The following CNP variants were observed in gnomAD, a reference collection of about 807,000 sequenced individuals.
CNP encodes 2',3'-cyclic nucleotide 3' phosphodiesterase.
CNP carries 8 observed loss-of-function variants against 37.9 expected under a neutral mutation model. The observed-to-expected ratio is 0.21, with a 90% CI of 0.12 to 0.38. CNP has a LOEUF of 0.38. CNP is among the 10% of genes least tolerant of loss of function. The pLI is 1.00. For missense variants in CNP, 457 were observed against 551.0 expected, an observed-to-expected ratio of 0.83 and a Z score of 1.71; for synonymous variants, 237 against 238.3, an observed-to-expected ratio of 0.99 and a Z score of 0.05.
rs2051066112 is a variant in CNP at position 41,975,706 on chromosome 17, GA to G, written c.*1785del. ...GGCACCAGCCGGGGAAGACTTGAAA[GA>G]AAGGGGCAGGAGCTCAGATGAAGAG... On this transcript the variant is annotated 3_prime_UTR_variant, in exon 4 of 4. Coordinates refer to ENST00000393892, the MANE Select transcript of CNP (RefSeq NM_033133.5). 1 of 152,270 alleles carries G rather than the reference GA, an allele frequency of 6.6e-6. No individual in the cohort carries two copies. The highest frequency in any genetic ancestry group is 2.1e-4 in the South Asian group (1 of 4,830). 9.4% of individuals were successfully genotyped at this position (152,270 alleles called of 1,614,324 possible).
Position 41,973,505 on chromosome 17 carries a change from A to G in CNP, c.847A>G (p.Thr283Ala). Residue 283 changes from threonine to alanine, a missense_variant, in exon 4 of 4, where the codon ACG becomes GCG. Physicochemically the swap from Thr to Ala is moderately conservative, Grantham distance 58. This residue lies in a region of CNP where 291 missense variants were observed against 291.7 expected (regional missense o/e 1.00). Transcript: ENST00000393892. ...AAAGAAATCTTACTCCAAGGCCTTC[A>G]CGCTGACCATCTCTGCCCTCTTTGT... ...VLKKSYSKAF[T>A]LTISALFVTP... 1 of 1,614,154 alleles carries G rather than the reference A, an allele frequency of 6.2e-7. No individual in the cohort carries two copies. The highest frequency in any genetic ancestry group is 1.1e-5 in the South Asian group (1 of 91,080).
intron 3 of CNP, 57 bp from the exon 4 acceptor site, chr17:41,973,418 C>T: frequency 6.6e-7 from 1 of 1,524,712 alleles, no homozygotes; most frequent in South Asian, 1.2e-5. Flanking sequence ...CCTGGGTCAG[C>T]TGTTCCTCAA....
chr17:41,974,641 C>T lies in CNP; in HGVS notation c.*717C>T, dbSNP rs868924259. The T allele has an allele frequency of 6.6e-6, 1 of 152,328 alleles. No homozygotes were observed. Among genetic ancestry groups the T allele is most frequent in the Non-Finnish European group, 1.5e-5 (1 of 68,128 alleles). The allele number at this position is 152,328 out of a possible 1,614,324, so 9.4% of individuals were successfully genotyped here. On this transcript the variant is annotated 3_prime_UTR_variant, in exon 4 of 4. Coordinates refer to ENST00000393892, the MANE Select transcript of CNP (RefSeq NM_033133.5). Reference sequence around the variant, plus strand: ...CCACCTTTGGTCCTAAGTCCCTGCCCCCTCCCCTTCACACCATAACTAGGT... The same window carrying T: ...CCACCTTTGGTCCTAAGTCCCTGCCTCCTCCCCTTCACACCATAACTAGGT...
In CNP at chr17:41,973,542, C is replaced by T. The variant is rs749007400; in HGVS notation, c.884C>T (p.Thr295Met). Residue 295 changes from threonine (T) to methionine (M), a missense_variant, in exon 4 of 4, where the codon ACG becomes ATG. Transcript: ENST00000393892. ...TCTGCCCTCTTTGTGACACCCAAGA[C>T]GACTGGGGCCCGGGTGGAGTTAAGC... The part of the protein sequence containing the change: ...TISALFVTPK[T>M]TGARVELSEQ... 2.4e-5 allele frequency: 39 copies of T among 1,614,106 alleles called. No homozygotes were observed. Among genetic ancestry groups the T allele is most frequent in the East Asian group, 4.5e-5 (2 of 44,900 alleles).
Position 41,976,192 on chromosome 17 carries a change from C to A in CNP, c.*2268C>A, listed in dbSNP as rs1226503463. The A allele has an allele frequency of 6.3e-6, 1 of 159,094 alleles. No individual in the cohort carries two copies. Among genetic ancestry groups the A allele is most frequent in the East Asian group, 1.9e-4 (1 of 5,242 alleles). 9.9% of individuals were successfully genotyped at this position (159,094 alleles called of 1,614,324 possible). A position where few individuals can be genotyped will look rare whatever the true frequency, so the allele number is the denominator to read the frequency against. ...CTTCTAGTGATTTCTGGGGCCCCACCGTAAAGTGAGCATGCTTTCTGAACT... is the reference window on the plus strand; with the variant it reads ...CTTCTAGTGATTTCTGGGGCCCCACAGTAAAGTGAGCATGCTTTCTGAACT... On this transcript the variant is annotated 3_prime_UTR_variant, in exon 4 of 4. Transcript: ENST00000393892.
chr17:41,968,104 C>T lies in CNP; in HGVS notation c.40C>T (p.Pro14Ser). ...CTCCCGAAAAAGCCACACATTCCTG[C>T]CCAAGATCTTCTTCCGCAAGATGTC... ...GFSRKSHTFL[P>S]KIFFRKMSSS... The change falls in exon 2 of 4, where the codon CCC becomes TCC. Residue 14 changes from proline (P) to serine (S), a missense_variant. Transcript: ENST00000393892. The surrounding 1 kb of genome is among the most constrained non-coding windows in gnomAD (Gnocchi z 4.8). 6.2e-7 allele frequency: 1 copy of T among 1,614,140 alleles called. No homozygotes were observed. Among genetic ancestry groups the T allele is most frequent in the Non-Finnish European group, 8.5e-7 (1 of 1,179,978 alleles).
Position 41,976,917 on chromosome 17 carries a change from T to C in CNP, c.*2993T>C. 9.9e-7 allele frequency: 1 copy of C among 1,006,902 alleles called. No individual in the cohort carries two copies. Among genetic ancestry groups the C allele is most frequent in the Non-Finnish European group, 1.4e-6 (1 of 695,736 alleles). 62.4% of individuals were successfully genotyped at this position (1,006,902 alleles called of 1,614,324 possible). A position where few individuals can be genotyped will look rare whatever the true frequency, so the allele number is the denominator to read the frequency against. ...GGTATCAAACAGCTCAGGCTGTTTT[T>C]GGGTGCAAGAGGGAGCACGTGACTG... is the stretch of plus-strand genomic sequence containing the variant. On this transcript the variant is annotated 3_prime_UTR_variant, in exon 4 of 4. Transcript: ENST00000393892.
Position 41,976,487 on chromosome 17 carries a change from T to C in CNP, c.*2563T>C. On this transcript the variant is annotated 3_prime_UTR_variant, in exon 4 of 4. Transcript: ENST00000393892. Reference sequence around the variant, plus strand: ...TTTTTTTTTTCTTTTTTAATAAAGTTAAACAGTAAAACAAAAATTCACAAG... The same window carrying C: ...TTTTTTTTTTCTTTTTTAATAAAGTCAAACAGTAAAACAAAAATTCACAAG... 1 of 505,924 alleles carries C rather than the reference T, an allele frequency of 2.0e-6. No individual in the cohort carries two copies. The highest frequency in any genetic ancestry group is 3.7e-5 in the East Asian group (1 of 26,856). The allele number at this position is 505,924 out of a possible 1,614,324, so 31.3% of individuals were successfully genotyped here. A position where few individuals can be genotyped will look rare whatever the true frequency, so the allele number is the denominator to read the frequency against.
chr17:41,976,708 C>G lies in CNP; in HGVS notation c.*2784C>G, dbSNP rs1555644885. On this transcript the variant is annotated 3_prime_UTR_variant, in exon 4 of 4. Transcript: ENST00000393892. ...ATTAAACTGAGTGAATCTGCATTTT[C>G]TGGGTTCTGGGTGGTTGCCCTTCAT... The G allele has an allele frequency of 3.1e-6, 5 of 1,605,484 alleles. No homozygotes were observed. The highest frequency in any genetic ancestry group is 4.2e-6 in the Non-Finnish European group (5 of 1,178,160).
In CNP at chr17:41,973,978, CCT is replaced by C. The variant is rs2051034979; in HGVS notation, c.*57_*58del. 8 of 1,344,162 alleles carry C rather than the reference CCT, an allele frequency of 6.0e-6. No individual in the cohort carries two copies. Among genetic ancestry groups the C allele is most frequent in the East Asian group, 2.6e-5 (1 of 38,514 alleles). 83.3% of individuals were successfully genotyped at this position (1,344,162 alleles called of 1,614,324 possible). On this transcript the variant is annotated 3_prime_UTR_variant, in exon 4 of 4. Coordinates refer to ENST00000393892, the MANE Select transcript of CNP (RefSeq NM_033133.5). ...AAGGGAAGGGGAGAGGGAAACGTGC[CCT>C]CTGTTTGATCCTTGTTTTGTGACAT... is the stretch of plus-strand genomic sequence containing the variant.
intron 2 of CNP, 111 bp from the exon 3 acceptor site, chr17:41,971,781 G>T: frequency 7.2e-7 from 1 of 1,398,286 alleles, no homozygotes. Context: ...GGTTGCTGGA[G>T]AGGTGATGCT....
Position 41,973,402 on chromosome 17 carries a change from A to G in CNP, c.817-73A>G. On this transcript the variant is annotated intron_variant, in intron 3 of 3. Transcript: ENST00000393892. ...CTTCCCCTTCTCTCCTCCAGGAGGG[A>G]CCCTCCCTGGGTCAGCTGTTCCTCA... is the stretch of plus-strand genomic sequence containing the variant. 3.5e-6 allele frequency: 5 copies of G among 1,420,902 alleles called. No homozygotes were observed. The South Asian group carries it at 6.4e-5, about 18-fold the overall frequency. The allele number at this position is 1,420,902 out of a possible 1,614,324, so 88.0% of individuals were successfully genotyped here.
Position 41,966,797 on chromosome 17 carries a change from C to A in CNP, c.-88C>A, listed in dbSNP as rs1266172994. ...AGCGGCCGGGCTCGGGTCGTGCCAC[C>A]GCTGGACTCCCGTGTCCCTCCGCGC... On this transcript the variant is annotated 5_prime_UTR_variant, in exon 1 of 4. Transcript: ENST00000393892. The A allele has an allele frequency of 3.0e-6, 4 of 1,348,546 alleles. No homozygotes were observed. The African/African-American group carries it at 4.6e-5, about 15-fold the overall frequency. 83.5% of individuals were successfully genotyped at this position (1,348,546 alleles called of 1,614,324 possible).
intron 2 of CNP, among the ~76,000 whole-genome samples, chr17:41,969,458 G>A (rs2050952414): frequency 6.6e-6 from 1 of 152,248 alleles, no homozygotes; most frequent in Non-Finnish European, 1.5e-5. Flanking sequence ...TTGAGATAAA[G>A]AAGGGTCCTG....
rs781861176 is a variant in CNP, at chr17:41,977,219, G to C, written c.*3295G>C. 1.8e-5 allele frequency: 28 copies of C among 1,554,440 alleles called. No individual in the cohort carries two copies. The South Asian group carries it at 1.9e-4, about 11-fold the overall frequency. On this transcript the variant is annotated 3_prime_UTR_variant, in exon 4 of 4. Transcript: ENST00000393892. ...TGCCTAAGAGGCAATGAGTGTGTTG[G>C]CTTGTGATCTGGGAACTCCCAAGAA...
Position 41,974,002 on chromosome 17 carries a change from A to T in CNP, c.*78A>T. The T allele has an allele frequency of 9.3e-7, 1 of 1,072,114 alleles. No individual in the cohort carries two copies. The highest frequency in any genetic ancestry group is 1.2e-6 in the Non-Finnish European group (1 of 824,936). The allele number at this position is 1,072,114 out of a possible 1,614,324, so 66.4% of individuals were successfully genotyped here. Reference sequence around the variant, plus strand: ...CCCTCTGTTTGATCCTTGTTTTGTGACATTTTTTTTTTTTTTTTTTTTACT... The same window carrying T: ...CCCTCTGTTTGATCCTTGTTTTGTGTCATTTTTTTTTTTTTTTTTTTTACT... On this transcript the variant is annotated 3_prime_UTR_variant, in exon 4 of 4. Transcript: ENST00000393892.
At chr17:41,973,219 G>T (rs1331013211) in intron 3 of CNP, among the ~76,000 whole-genome samples, 1 of 152,204 alleles carries the variant, frequency 6.6e-6, no homozygotes, top group Non-Finnish European at 1.5e-5. Flanking sequence ...AGGGAGCTGG[G>T]CTCCCTCAGG....
rs367771051 is a variant in CNP, at chr17:41,973,591, G to C, written c.933G>C (p.Pro311=). ...GCGAGCAGCAACTGCAGTTGTGGCC[G>C]AGTGATGTGGACAAGCTGTCACCCA... is the stretch of plus-strand genomic sequence containing the variant. The part of the protein sequence containing the change: ...ELSEQQLQLW[P]SDVDKLSPTD... Residue 311 remains proline, a synonymous_variant, in exon 4 of 4, where the codon CCG becomes CCC. Coordinates refer to ENST00000393892, the MANE Select transcript of CNP (RefSeq NM_033133.5). 9.3e-6 allele frequency: 15 copies of C among 1,614,218 alleles called. No individual in the cohort carries two copies. The highest frequency in any genetic ancestry group is 1.2e-5 in the Non-Finnish European group (14 of 1,180,044).
At chr17:41,972,637 G>A (rs1056114441) in intron 3 of CNP, among the ~76,000 whole-genome samples, 1 of 152,114 alleles carries the variant, frequency 6.6e-6, no homozygotes. Flanking sequence ...CTCTGCCTAG[G>A]TTAGCACAAT....
Sources: gnomAD v4.1 joint callset for allele counts (sites outside exome capture counted in the v4.1 genomes callset) on GRCh38, gnomAD v4.1.1 for gene constraint, gnomAD v4.1.1 regional missense constraint, Gnocchi (gnomAD v3.1) non-coding constraint, MANE v1.5 for transcripts, NCBI Gene and HGNC (gene_info 2026-07-23, HGNC 2026-07-21) for gene names.